NPTN: variants seen among roughly 807,000 people sequenced by gnomAD.
NPTN encodes the protein neuroplastin, also known as SDR-1.
Under a neutral mutation model 42.7 loss-of-function variants are expected in NPTN, and 5 were observed. The ratio of observed to expected loss-of-function variants is 0.12; its 90% CI spans 0.06 to 0.25. The LOEUF (loss-of-function observed/expected upper bound fraction) is 0.25. NPTN is among the 10% of genes least tolerant of loss of function. The pLI is 1.00. For missense variants in NPTN, 307 were observed against 525.4 expected, an observed-to-expected ratio of 0.58 and a Z score of 4.06; for synonymous variants, 180 against 201.9, an observed-to-expected ratio of 0.89 and a Z score of 0.92.
chr15:73,615,842 G>A (rs546072476), intron 1 of NPTN, among the ~76,000 whole-genome samples: 4 of 151,864 alleles, frequency 2.6e-5, no homozygotes, highest in East Asian at 3.9e-4. Context: ...AAAATGATAC[G>A]CCCCTAAGAT....
intron 6 of NPTN, chr15:73,565,619 C>T (rs1028021314): frequency 5.4e-6 from 2 of 372,128 alleles, no homozygotes; most frequent in African/African-American, 4.2e-5. Flanking sequence ...ATCAACATAC[C>T]CCAAACCCTC....
rs1181360185 is a variant in NPTN at position 73,633,341 on chromosome 15, G to C, written c.-126C>G. 4.5e-6 allele frequency: 3 copies of C among 665,050 alleles called. No homozygotes were observed. Among genetic ancestry groups the C allele is most frequent in the East Asian group, 3.4e-5 (1 of 29,568 alleles). 41.2% of individuals were successfully genotyped at this position (665,050 alleles called of 1,614,324 possible). A position where few individuals can be genotyped will look rare whatever the true frequency, so the allele number is the denominator to read the frequency against. On this transcript the variant is annotated 5_prime_UTR_variant, in exon 1 of 9. Coordinates refer to ENST00000345330, the MANE Select transcript of NPTN (RefSeq NM_012428.4). The stretch of plus-strand genomic sequence containing the variant: ...TGAGCGAGGGAGGCAGCCGCGGCTC[G>C]GCTCCGTCCTTCCCCGTCCTCCTCC...
At chr15:73,617,499 T>C (rs1216788014) in intron 1 of NPTN, among the ~76,000 whole-genome samples, 5 of 152,320 alleles carry the variant, frequency 3.3e-5, no homozygotes, top group East Asian at 1.9e-4. Flanking sequence ...CTTTGGAAAT[T>C]TGACCTGATG....
chr15:73,601,926 A>G (rs1897100898), intron 1 of NPTN, among the ~76,000 whole-genome samples: 1 of 152,170 alleles, frequency 6.6e-6, no homozygotes, highest in African/African-American at 2.4e-5. Flanking sequence ...AAATTGCATA[A>G]CTGGGGATGG....
intron 1 of NPTN, among the ~76,000 whole-genome samples, chr15:73,629,593 T>G (rs570026128): frequency 6.6e-6 from 1 of 152,148 alleles, no homozygotes; most frequent in African/African-American, 2.4e-5. Context: ...TTTCTAAAAT[T>G]TAGGTCGTTA....
chr15:73,603,540 A>G (rs2141421169), intron 1 of NPTN, among the ~76,000 whole-genome samples: 1 of 152,382 alleles, frequency 6.6e-6, no homozygotes, highest in Non-Finnish European at 1.5e-5. Flanking sequence ...TAGCAGACAC[A>G]TGTATGTGGA....
intron 6 of NPTN, chr15:73,568,132 G>A (rs566386900): frequency 1.0e-6 from 1 of 985,358 alleles, no homozygotes; most frequent in Admixed American, 6.1e-5. Context: ...GCTTCCCTGG[G>A]CAGGTGTCTG....
intron 7 of NPTN, among the ~76,000 whole-genome samples, chr15:73,562,763 T>C (rs1894757227): frequency 6.6e-6 from 1 of 152,190 alleles, no homozygotes; most frequent in South Asian, 2.1e-4. Context: ...TTTGAAAGTA[T>C]AACACATGGA....
intron 4 of NPTN, among the ~76,000 whole-genome samples, chr15:73,579,987 T>TG (rs1415257922): frequency 6.6e-6 from 1 of 152,204 alleles, no homozygotes; most frequent in Non-Finnish European, 1.5e-5. Context: ...CACTAAGTTT[T>TG]GGGGTAATTT....
intron 1 of NPTN, among the ~76,000 whole-genome samples, chr15:73,598,941 C>T (rs1896952217): frequency 6.6e-6 from 1 of 152,200 alleles, no homozygotes; most frequent in African/African-American, 2.4e-5. Flanking sequence ...AGGTACTATA[C>T]TTACTCAAGT....
At chr15:73,629,377 T>C (rs948536328) in intron 1 of NPTN, among the ~76,000 whole-genome samples, 13 of 152,174 alleles carry the variant, frequency 8.5e-5, no homozygotes, top group African/African-American at 2.9e-4. Context: ...GTGTCTTCTG[T>C]TGCTCATTTC....
intron 1 of NPTN, among the ~76,000 whole-genome samples, chr15:73,616,533 T>C (rs573020082): frequency 6.6e-6 from 1 of 152,330 alleles, no homozygotes; most frequent in East Asian, 1.9e-4. Flanking sequence ...TGTTCACTAA[T>C]GCTCTATCCA....
chr15:73,580,558 GTATATACATGT>G (rs1431775333), intron 4 of NPTN, among the ~76,000 whole-genome samples: 1 of 136,206 alleles, frequency 7.3e-6, no homozygotes, highest in Non-Finnish European at 1.6e-5. Context: ...ATGTATATAT[GTATATACATGT>G]TATATATGTA....
intron 1 of NPTN, among the ~76,000 whole-genome samples, chr15:73,598,801 T>C: frequency 6.6e-6 from 1 of 152,124 alleles, no homozygotes; most frequent in East Asian, 1.9e-4. Flanking sequence ...TTTCCTACAG[T>C]CCAGAAGCCA....
chr15:73,587,449 A>T, intron 4 of NPTN, 75 bp downstream of exon 4: 1 of 1,004,356 alleles, frequency 1.0e-6, no homozygotes, highest in Non-Finnish European at 1.6e-6. Context: ...GAGCTTGAAG[A>T]CTGGGACTCC....
intron 1 of NPTN, 170 bp downstream of exon 1, chr15:73,632,955 C>G (rs1041440539): frequency 4.2e-6 from 2 of 476,586 alleles, no homozygotes; most frequent in African/African-American, 4.1e-5. Context: ...GTCCTCACAC[C>G]CGCGCCTCCT....
chr15:73,567,296 G>A (rs1895083033), intron 6 of NPTN: 5 of 985,280 alleles, frequency 5.1e-6, no homozygotes, highest in Non-Finnish European at 6.0e-6. Context: ...GTGCTATTTG[G>A]CAAAGTAGAA....
intron 2 of NPTN, among the ~76,000 whole-genome samples, chr15:73,595,766 G>C (rs1896809387): frequency 6.6e-6 from 1 of 152,164 alleles, no homozygotes; most frequent in Non-Finnish European, 1.5e-5. Context: ...TTGATGTGGG[G>C]CCAGAACTCT....
Position 73,573,773 on chromosome 15 carries a change from A to G in NPTN, c.729T>C (p.His243=), listed in dbSNP as rs1411778369. 1 of 1,603,666 alleles carries G rather than the reference A, an allele frequency of 6.2e-7. No homozygotes were observed. Among genetic ancestry groups the G allele is most frequent in the African/African-American group, 1.3e-5 (1 of 74,484 alleles). The part of the protein sequence containing the change: ...EVKAAPDITG[H]KRSENKNEGQ... ...CTTCATTCTTGTTCTCACTCCGTTTATGGCCAGTGATGTCAGGAGCGGCTG... is the reference window on the plus strand; with the variant it reads ...CTTCATTCTTGTTCTCACTCCGTTTGTGGCCAGTGATGTCAGGAGCGGCTG... The change falls in exon 5 of 9, where the codon CAT becomes CAC. Residue 243 remains histidine (H), a synonymous_variant. Coordinates refer to ENST00000345330, the MANE Select transcript of NPTN (RefSeq NM_012428.4).
Sources: gnomAD v4.1 joint callset for allele counts (sites outside exome capture counted in the v4.1 genomes callset) on GRCh38, gnomAD v4.1.1 for gene constraint, MANE v1.5 for transcripts, NCBI Gene and HGNC (gene_info 2026-07-23, HGNC 2026-07-21) for gene names.